Variants in BBS9 observed in about 807,000 individuals in gnomAD.
The protein encoded by BBS9 is protein PTHB1.
A neutral mutation model predicts 117.7 loss-of-function variants in BBS9; 89 were observed. The observed-to-expected ratio is 0.76, with a 90% confidence interval of 0.64 to 0.90. The LOEUF is 0.90. Ranked by LOEUF, BBS9 falls within the 40% of genes least tolerant of loss-of-function variation. The pLI, the probability that BBS9 is intolerant of heterozygous loss-of-function variation, is 0.00. For missense variants in BBS9, 982 were observed against 1,042.2 expected, an observed-to-expected ratio of 0.94 and a Z score of 0.80; for synonymous variants, 379 against 370.9, an observed-to-expected ratio of 1.02 and a Z score of -0.25.
chr7:33,352,748 T>C, intron 14 of BBS9, 111 bp from the exon 15 acceptor site: 1 of 1,274,396 alleles, frequency 7.8e-7, no homozygotes, highest in Non-Finnish European at 1.1e-6. Context: ...TCTTGAAATT[T>C]TAATTTGTAT....
intron 9 of BBS9, among the ~76,000 whole-genome samples, chr7:33,301,069 C>T (rs1806316651): frequency 6.6e-6 from 1 of 151,822 alleles, no homozygotes; most frequent in African/African-American, 2.4e-5. Flanking sequence ...TTGAAGGTAC[C>T]TGTCCCTTTC....
intron 17 of BBS9, among the ~76,000 whole-genome samples, chr7:33,382,640 T>C (rs1382575654): frequency 6.6e-6 from 1 of 152,166 alleles, no homozygotes; most frequent in East Asian, 1.9e-4. Flanking sequence ...TAATATCTAG[T>C]GTTCCAGTGC....
At chr7:33,344,520 C>T (rs1013916125) in intron 11 of BBS9, 61 bp from the exon 12 acceptor site, 3 of 1,397,802 alleles carry the variant, frequency 2.1e-6, no homozygotes, top group African/African-American at 2.8e-5. Context: ...TCATTGTGTT[C>T]ACTCACTGCT....
chr7:33,550,665 T>C (rs551585439), intron 21 of BBS9, among the ~76,000 whole-genome samples: 2 of 152,356 alleles, frequency 1.3e-5, no homozygotes. Context: ...ACTGAACTTT[T>C]TCTAAAAACA....
At chr7:33,242,199 T>C (rs1044663194) in intron 5 of BBS9, among the ~76,000 whole-genome samples, 1 of 152,084 alleles carries the variant, frequency 6.6e-6, no homozygotes, top group African/African-American at 2.4e-5. Context: ...ATTCCTAGGA[T>C]AGATTTTTTT....
intron 5 of BBS9, among the ~76,000 whole-genome samples, chr7:33,211,551 CTA>C (rs942557594): frequency 3.9e-5 from 6 of 151,990 alleles, no homozygotes; most frequent in African/African-American, 9.7e-5. Flanking sequence ...TCTTATTGTA[CTA>C]TGTCTTGAAA....
chr7:33,526,485 C>G (rs1163461538), intron 20 of BBS9, among the ~76,000 whole-genome samples: 1 of 151,548 alleles, frequency 6.6e-6, no homozygotes, highest in Non-Finnish European at 1.5e-5. Flanking sequence ...CTTCTCGCTT[C>G]ATTTCATTCA....
chr7:33,271,963 A>G (rs188467019), intron 7 of BBS9, among the ~76,000 whole-genome samples: 2 of 152,314 alleles, frequency 1.3e-5, no homozygotes, highest in East Asian at 3.9e-4. Context: ...TCGGATATAA[A>G]CCAATCCTCA....
chr7:33,596,257 AACACACACAC>A (rs777940429), intron 21 of BBS9, among the ~76,000 whole-genome samples: 4,010 of 118,816 alleles, frequency 0.034, 86 homozygotes, highest in South Asian at 0.12. Context: ...ACAGAACAGA[AACACACACAC>A]ACACACACAC....
chr7:33,165,062 G>T (rs1229954800), intron 4 of BBS9, among the ~76,000 whole-genome samples: 1 of 152,116 alleles, frequency 6.6e-6, no homozygotes, highest in Non-Finnish European at 1.5e-5. Context: ...TGTCTGTAAA[G>T]AATTTTATTT....
intron 19 of BBS9, among the ~76,000 whole-genome samples, chr7:33,452,432 G>T (rs1444530312): frequency 1.3e-5 from 2 of 151,946 alleles, no homozygotes; most frequent in Non-Finnish European, 2.9e-5. Flanking sequence ...TGTTCACAAA[G>T]CCTCTTGCAC....
chr7:33,292,245 T>C (rs1804208805), intron 9 of BBS9, among the ~76,000 whole-genome samples: 1 of 151,686 alleles, frequency 6.6e-6, no homozygotes. Context: ...TTTTTCCCCC[T>C]GAGACAAGGC....
intron 5 of BBS9, among the ~76,000 whole-genome samples, chr7:33,248,646 G>T (rs747167335): frequency 6.6e-6 from 1 of 152,112 alleles, no homozygotes; most frequent in East Asian, 1.9e-4. Flanking sequence ...TTATGTCTTT[G>T]TTCATAGCAA....
chr7:33,533,097 C>T (rs1850832121), intron 20 of BBS9, among the ~76,000 whole-genome samples: 1 of 152,184 alleles, frequency 6.6e-6, no homozygotes, highest in African/African-American at 2.4e-5. Flanking sequence ...AAGGGAGCTC[C>T]TAAACTGACC....
intron 20 of BBS9, among the ~76,000 whole-genome samples, chr7:33,516,317 C>G (rs1320688149): frequency 6.6e-6 from 1 of 151,558 alleles, no homozygotes; most frequent in African/African-American, 2.4e-5. Context: ...GGTGAAACCC[C>G]ATCTTTACTA....
intron 19 of BBS9, among the ~76,000 whole-genome samples, chr7:33,414,377 T>C (rs1831632273): frequency 6.6e-6 from 1 of 152,168 alleles, no homozygotes; most frequent in Admixed American, 6.5e-5. Flanking sequence ...TTATGTACTT[T>C]TAAACAAAGC....
chr7:33,205,592 C>G (rs1436497524), intron 5 of BBS9, among the ~76,000 whole-genome samples: 1 of 152,128 alleles, frequency 6.6e-6, no homozygotes, highest in African/African-American at 2.4e-5. Context: ...CATCTGTAAA[C>G]CAGGTCTGTG....
At chr7:33,271,952 A>G (rs1186671176) in intron 7 of BBS9, among the ~76,000 whole-genome samples, 1 of 152,168 alleles carries the variant, frequency 6.6e-6, no homozygotes, top group Non-Finnish European at 1.5e-5. Context: ...AAACTACACA[A>G]TCGGATATAA....
intron 21 of BBS9, among the ~76,000 whole-genome samples, chr7:33,596,167 A>G (rs1428253125): frequency 6.6e-6 from 1 of 151,216 alleles, no homozygotes; most frequent in Non-Finnish European, 1.5e-5. Flanking sequence ...CTGCACTTGT[A>G]TCCTGGAACT....
Sources: gnomAD v4.1 joint callset for allele counts (sites outside exome capture counted in the v4.1 genomes callset) on GRCh38, gnomAD v4.1.1 for gene constraint, MANE v1.5 for transcripts, NCBI Gene and HGNC (gene_info 2026-07-23, HGNC 2026-07-21) for gene names.